The following ACSM3 variants were observed in gnomAD, a reference collection of about 807,000 sequenced individuals.
The protein encoded by ACSM3 is acyl-coenzyme A synthetase ACSM3, mitochondrial.
ACSM3 carries 61 observed loss-of-function variants against 74.1 expected under a neutral mutation model. The ratio of observed to expected loss-of-function variants is 0.82; its 90% CI spans 0.67 to 1.02. The LOEUF (loss-of-function observed/expected upper bound fraction) is 1.02. Ranked by LOEUF, ACSM3 falls within the 50% of genes least tolerant of loss-of-function variation. ACSM3 has a pLI of 0.00. For missense variants in ACSM3, 660 were observed against 697.0 expected (o/e 0.95, Z 0.60); for synonymous variants, 213 against 241.5 (o/e 0.88, Z 1.09).
intron 2 of ACSM3, among the ~76,000 whole-genome samples, chr16:20,753,328 G>T (rs1183043483): frequency 1.3e-5 from 2 of 151,864 alleles, no homozygotes; most frequent in Non-Finnish European, 2.9e-5. Flanking sequence ...GCCAGGCATG[G>T]TGGCACATGC....
chr16:20,688,099 GA>G (rs2079586479), intron 1 of ACSM3, among the ~76,000 whole-genome samples: 1 of 148,548 alleles, frequency 6.7e-6, no homozygotes, highest in Non-Finnish European at 1.5e-5. Context: ...AAAAAAAAAA[GA>G]AAGAACCAAA....
chr16:20,737,235 T>G (rs372725221), intron 1 of ACSM3: 4 of 1,614,112 alleles, frequency 2.5e-6, no homozygotes, highest in Non-Finnish European at 3.4e-6. Flanking sequence ...CACTGTGTAC[T>G]GTGGATTGGT....
At position 20,792,140 on chromosome 16, in the gene ACSM3, T is replaced by A. The variant is rs1271446032; in HGVS notation, c.1454+11T>A. The A allele has an allele frequency of 6.2e-7, 1 of 1,614,174 alleles. No individual in the cohort carries two copies. Among genetic ancestry groups the A allele is most frequent in the Non-Finnish European group, 8.5e-7 (1 of 1,180,004 alleles). On this transcript the variant is annotated intron_variant, in intron 11 of 13. Coordinates refer to ENST00000289416, the MANE Select transcript of ACSM3 (RefSeq NM_005622.4). The stretch of plus-strand genomic sequence containing the variant: ...CATATTATCCTCTGGGTAACTTTCT[T>A]TTCCATATGTGCATATGTCTGTGTT...
intron 6 of ACSM3, among the ~76,000 whole-genome samples, 186 bp downstream of exon 6, chr16:20,781,316 C>T (rs1345168214): frequency 6.6e-6 from 1 of 152,086 alleles, no homozygotes; most frequent in Non-Finnish European, 1.5e-5. Context: ...GTTCTGCAGC[C>T]TCTGATTCTG....
At chr16:20,766,848 A>G (rs1435103340) in intron 1 of ACSM3, among the ~76,000 whole-genome samples, 1 of 152,224 alleles carries the variant, frequency 6.6e-6, no homozygotes, top group Admixed American at 6.5e-5. Flanking sequence ...AAATGTTTTT[A>G]GTGGGCAGAA....
intron 1 of ACSM3, chr16:20,722,160 CAT>C (rs2079788088): frequency 6.6e-6 from 1 of 152,144 alleles, no homozygotes; most frequent in African/African-American, 2.4e-5. Flanking sequence ...GATAAAGGGA[CAT>C]GTGAGAGATG....
chr16:20,789,650 G>C, intron 9 of ACSM3: 1 of 866,726 alleles, frequency 1.2e-6, no homozygotes, highest in Non-Finnish European at 1.9e-6. Flanking sequence ...AAGCAGGTTG[G>C]CAAAACTGTA....
chr16:20,786,430 C>A, intron 9 of ACSM3: 1 of 571,428 alleles, frequency 1.7e-6, no homozygotes, highest in Non-Finnish European at 2.6e-6. Flanking sequence ...CCTGTAATCC[C>A]AACACTTTGG....
chr16:20,792,002 G>A lies in ACSM3; in HGVS notation c.1327G>A (p.Asp443Asn). The change falls in exon 11 of 14, where the codon GAT becomes AAT. Residue 443 changes from aspartate (D) to asparagine (N), a missense_variant and splice_region_variant. Coordinates refer to ENST00000289416, the MANE Select transcript of ACSM3 (RefSeq NM_005622.4). ...RPFGLFTHYVDNPSKTASTLR... is the reference protein window; with the variant it reads ...RPFGLFTHYVNNPSKTASTLR... ...CAACAAAATGCTATTTGTTTTGCAG[G>A]ATAATCCTTCAAAAACAGCTTCAAC... 2 of 1,613,912 alleles carry A rather than the reference G, an allele frequency of 1.2e-6. No homozygotes were observed. The highest frequency in any genetic ancestry group is 1.7e-6 in the Non-Finnish European group (2 of 1,179,950).
Position 20,685,831 on chromosome 16 carries a change from ACAAACAAAAAAAAAAC to A in ACSM3, c.-190+11010_-190+11025del, listed in dbSNP as rs1266425905. Among the ~76,000 whole-genome samples, 15 of 116,832 alleles carry A rather than the reference ACAAACAAAAAAAAAAC, an allele frequency of 1.3e-4. 1 individual carries two copies. Among genetic ancestry groups the A allele is most frequent in the Admixed American group, 2.5e-4 (3 of 12,062 alleles). The allele number at this position is 116,832 out of a possible 152,430, so 76.6% of individuals were successfully genotyped here. Reference sequence around the variant, plus strand: ...TGAGACTCCGTCTCAAAAAAAAAAAACAAACAAAAAAAAAACAAAAAACTTATAGCATCAGGAGAGG... The same window carrying A: ...TGAGACTCCGTCTCAAAAAAAAAAAAAAAAAACTTATAGCATCAGGAGAGG... On this transcript the variant is annotated intron_variant, in intron 1 of 3. Transcript: ENST00000561584.
At chr16:20,735,186 T>C (rs978424142) in intron 1 of ACSM3, 4 of 152,206 alleles carry the variant, frequency 2.6e-5, no homozygotes, top group African/African-American at 9.7e-5. Flanking sequence ...GTCTGCAAAA[T>C]AGGCTACTTT....
intron 1 of ACSM3, chr16:20,690,921 T>C: frequency 6.9e-7 from 1 of 1,457,478 alleles, no homozygotes; most frequent in Admixed American, 2.3e-5. Flanking sequence ...TTCCATACCT[T>C]TCAGCCTAGT....
chr16:20,738,455 G>A (rs1218730121), intron 1 of ACSM3, among the ~76,000 whole-genome samples: 3 of 152,168 alleles, frequency 2.0e-5, no homozygotes, highest in African/African-American at 7.2e-5. Flanking sequence ...AGGTCCTCAG[G>A]CTGCAACTTG....
rs1567333506 is a variant in ACSM3 at position 20,741,861 on chromosome 16, G to T, written c.-189-8049G>T. ...ACGGCCTCCCCTAGCCGGCCTCGAA[G>T]CCTCATTCCGTGCTGCGCCAGGTCC... On this transcript the variant is annotated intron_variant, in intron 1 of 3. Transcript: ENST00000561584. 3.3e-6 allele frequency: 5 copies of T among 1,535,644 alleles called. No homozygotes were observed. The East Asian group carries it at 1.2e-4, about 38-fold the overall frequency.
intron 9 of ACSM3, among the ~76,000 whole-genome samples, chr16:20,788,759 A>G (rs1482891800): frequency 6.6e-6 from 1 of 152,256 alleles, no homozygotes; most frequent in East Asian, 1.9e-4. Flanking sequence ...CTATATTCCC[A>G]TCTATTAAAA....
Position 20,714,379 on chromosome 16 carries a change from G to T in ACSM3, c.-189-35531G>T, listed in dbSNP as rs192218016. Among the ~76,000 whole-genome samples, 341 of 152,268 alleles carry T rather than the reference G, an allele frequency of 2.2e-3. 6 individuals carry two copies. The highest frequency in any genetic ancestry group is 1.7e-3 in the Non-Finnish European group (117 of 68,018). On this transcript the variant is annotated intron_variant, in intron 1 of 3. Transcript: ENST00000561584. ...TAAATTGCCCCTGTAAACAAGGGAT[G>T]CCATTGATGGGTTTAAGAACAGAAG...
At chr16:20,782,950 G>C (rs939070291) in intron 7 of ACSM3, among the ~76,000 whole-genome samples, 1 of 152,198 alleles carries the variant, frequency 6.6e-6, no homozygotes, top group Non-Finnish European at 1.5e-5. Context: ...TTTCCGGCAC[G>C]TGGTGCTCTC....
chr16:20,774,049 C>T (rs891799411), intron 2 of ACSM3, among the ~76,000 whole-genome samples: 8 of 151,884 alleles, frequency 5.3e-5, no homozygotes, highest in Middle Eastern at 3.2e-3. Context: ...ATGTTGGGTG[C>T]GTATATATTT....
At chr16:20,685,201 A>G (rs761301644) in intron 1 of ACSM3, 1 of 1,614,160 alleles carries the variant, frequency 6.2e-7, no homozygotes, top group South Asian at 1.1e-5. Flanking sequence ...ACCTGTTCGC[A>G]TGCAGCCCAC....
Sources: gnomAD v4.1 joint callset for allele counts (sites outside exome capture counted in the v4.1 genomes callset) on GRCh38, gnomAD v4.1.1 for gene constraint, MANE v1.5 for transcripts, NCBI Gene and HGNC (gene_info 2026-07-23, HGNC 2026-07-21) for gene names.